Variants in LINGO2 observed in about 807,000 individuals in gnomAD.
LINGO2 encodes leucine-rich repeat and immunoglobulin-like domain-containing nogo receptor-interacting protein 2.
In LINGO2, 14 loss-of-function variants were observed where a neutral mutation model predicts 30.6. That is an observed-to-expected ratio of 0.46 (90% CI 0.30 to 0.72). The LOEUF (loss-of-function observed/expected upper bound fraction) is 0.72, where lower values mean the gene tolerates loss of function less well. Among genes scored for constraint, LINGO2 ranks in the 30% least tolerant of loss-of-function variants. The pLI, the probability that LINGO2 is intolerant of heterozygous loss-of-function variation, is 0.07. For missense variants in LINGO2, 729 were observed against 751.7 expected (o/e 0.97, Z 0.35); for synonymous variants, 317 against 288.5 (o/e 1.10, Z -1.00).
the LINGO2 span, among the ~76,000 whole-genome samples, chr9:29,036,179 A>C: frequency 1.3e-5 from 2 of 152,118 alleles, no homozygotes; most frequent in Non-Finnish European, 2.9e-5. Flanking sequence ...GTTCAAAAGC[A>C]GATATTAACC....
At chr9:28,880,201 C>A in the LINGO2 span, among the ~76,000 whole-genome samples, 1 of 152,126 alleles carries the variant, frequency 6.6e-6, no homozygotes, top group Non-Finnish European at 1.5e-5. Context: ...CTCCGCCTCC[C>A]AGGTGTAGGG....
chr9:29,101,887 C>A, the LINGO2 span, among the ~76,000 whole-genome samples: 7 of 151,852 alleles, frequency 4.6e-5, no homozygotes, highest in African/African-American at 1.7e-4. Context: ...TGCAGCCTGG[C>A]CCTTTGAGAC....
chr9:28,519,973 TA>T lies in LINGO2; in HGVS notation c.-364-43949del, dbSNP rs568055313. Among the ~76,000 whole-genome samples, 9 of 152,124 alleles carry T rather than the reference TA, an allele frequency of 5.9e-5. No individual in the cohort carries two copies. In the East Asian group the frequency reaches 1.7e-3, roughly 29 times the overall value. ...TGAGGGTTAAGGTTAATTTTCCAGT[TA>T]AAAAAATACATATAATGATGCTATT... is the stretch of plus-strand genomic sequence containing the variant. On this transcript the variant is annotated intron_variant, in intron 1 of 5. Coordinates refer to ENST00000379992, the Ensembl canonical transcript of LINGO2.
intron 4 of LINGO2, among the ~76,000 whole-genome samples, chr9:28,046,203 C>T (rs1240343874): frequency 3.3e-5 from 5 of 152,236 alleles, no homozygotes; most frequent in Middle Eastern, 3.4e-3. Flanking sequence ...ATGCAGTATA[C>T]GATTGATATT....
chr9:28,524,251 C>T (rs767557333), intron 1 of LINGO2, among the ~76,000 whole-genome samples: 8 of 152,078 alleles, frequency 5.3e-5, no homozygotes, highest in Non-Finnish European at 1.2e-4. Context: ...GCCTACCTCA[C>T]ACCATACACA....
At chr9:28,563,618 T>C (rs1194996482) in intron 1 of LINGO2, among the ~76,000 whole-genome samples, 2 of 152,160 alleles carry the variant, frequency 1.3e-5, no homozygotes, top group African/African-American at 4.8e-5. Flanking sequence ...AATGTACATG[T>C]TGGCAGTTCA....
the LINGO2 span, among the ~76,000 whole-genome samples, chr9:28,906,520 C>A: frequency 6.6e-6 from 1 of 151,612 alleles, no homozygotes; most frequent in African/African-American, 2.4e-5. Context: ...GTGAAATAGC[C>A]TCATTCACAT....
chr9:28,143,704 A>G (rs1827737131), intron 4 of LINGO2, among the ~76,000 whole-genome samples: 1 of 152,160 alleles, frequency 6.6e-6, no homozygotes, highest in African/African-American at 2.4e-5. Flanking sequence ...ACATGTATAA[A>G]TAGAAGACCT....
At chr9:28,510,932 C>G (rs1041118432) in intron 1 of LINGO2, among the ~76,000 whole-genome samples, 3 of 151,996 alleles carry the variant, frequency 2.0e-5, no homozygotes, top group Admixed American at 1.3e-4. Context: ...CAGGAAGCAT[C>G]GAGTGCGGGA....
chr9:29,108,061 G>A, the LINGO2 span, among the ~76,000 whole-genome samples: 2 of 152,254 alleles, frequency 1.3e-5, no homozygotes, highest in Admixed American at 1.3e-4. Context: ...GGAAGGCACT[G>A]CAAAACTAAA....
the LINGO2 span, among the ~76,000 whole-genome samples, chr9:29,060,597 A>T: frequency 6.6e-6 from 1 of 152,068 alleles, no homozygotes; most frequent in Non-Finnish European, 1.5e-5. Flanking sequence ...AATAACTTTA[A>T]AGAAACTATT....
chr9:28,395,316 A>G (rs887081462), intron 2 of LINGO2, among the ~76,000 whole-genome samples: 5 of 152,216 alleles, frequency 3.3e-5, no homozygotes, highest in Non-Finnish European at 7.4e-5. Flanking sequence ...AGCTTCATCA[A>G]TTAAATTCAG....
chr9:28,133,871 C>G (rs1827442458), intron 4 of LINGO2, among the ~76,000 whole-genome samples: 1 of 152,172 alleles, frequency 6.6e-6, no homozygotes, highest in Non-Finnish European at 1.5e-5. Context: ...CCATCATTTA[C>G]TAATGCCCAA....
the LINGO2 span, among the ~76,000 whole-genome samples, chr9:28,979,213 G>A: frequency 2.0e-5 from 3 of 151,836 alleles, no homozygotes; most frequent in East Asian, 3.9e-4. Flanking sequence ...TAACTTATGG[G>A]CAAAATTTCC....
chr9:29,139,517 G>C, the LINGO2 span, among the ~76,000 whole-genome samples: 1 of 152,034 alleles, frequency 6.6e-6, no homozygotes, highest in Non-Finnish European at 1.5e-5. Flanking sequence ...AATCTGGATA[G>C]GAAGATGGCA....
At chr9:28,021,473 G>A (rs1244384264) in intron 4 of LINGO2, among the ~76,000 whole-genome samples, 1 of 151,966 alleles carries the variant, frequency 6.6e-6, no homozygotes, top group African/African-American at 2.4e-5. Flanking sequence ...TCCTGTTGCT[G>A]GATGCCATAT....
intron 5 of LINGO2, among the ~76,000 whole-genome samples, chr9:28,003,282 A>G (rs886378733): frequency 1.3e-5 from 2 of 152,054 alleles, no homozygotes; most frequent in Non-Finnish European, 1.5e-5. Flanking sequence ...TTCACAAAAA[A>G]TTGGGTAATT....
chr9:28,122,037 A>G (rs1827110604), intron 4 of LINGO2, among the ~76,000 whole-genome samples: 1 of 152,188 alleles, frequency 6.6e-6, no homozygotes, highest in Non-Finnish European at 1.5e-5. Flanking sequence ...TACATGGAAA[A>G]ATCAGAGCTG....
At chr9:28,746,602 T>C in the LINGO2 span, among the ~76,000 whole-genome samples, 1 of 152,020 alleles carries the variant, frequency 6.6e-6, no homozygotes, top group African/African-American at 2.4e-5. Context: ...ATAATTGAGG[T>C]TCATTATTGA....
Sources: gnomAD v4.1 joint callset for allele counts (sites outside exome capture counted in the v4.1 genomes callset) on GRCh38, gnomAD v4.1.1 for gene constraint, MANE v1.5 for transcripts, NCBI Gene and HGNC (gene_info 2026-07-23, HGNC 2026-07-21) for gene names.